The following ITGA9 variants were observed in gnomAD, a reference collection of about 807,000 sequenced individuals.
ITGA9 encodes the protein integrin alpha-9.
In ITGA9, 56 loss-of-function variants were observed where a neutral mutation model predicts 127.8. The observed-to-expected ratio is 0.44, with a 90% CI of 0.35 to 0.55. The LOEUF (loss-of-function observed/expected upper bound fraction) is 0.55, where lower values mean the gene tolerates loss of function less well. ITGA9 is among the 20% of genes least tolerant of loss of function. ITGA9 has a pLI of 0.00. For synonymous variants in ITGA9, 508 were observed against 514.5 expected, an observed-to-expected ratio of 0.99 and a Z score of 0.17; for missense variants, 1,196 against 1,347.1, an observed-to-expected ratio of 0.89 and a Z score of 1.76.
intron 27 of ITGA9, among the ~76,000 whole-genome samples, chr3:37,810,665 C>A (rs942367460): frequency 4.6e-5 from 7 of 152,146 alleles, no homozygotes; most frequent in Non-Finnish European, 1.0e-4. Flanking sequence ...ATCCACCCAC[C>A]TTGGCCTCCC....
At chr3:37,588,116 G>A (rs1699776050) in intron 15 of ITGA9, among the ~76,000 whole-genome samples, 1 of 152,222 alleles carries the variant, frequency 6.6e-6, no homozygotes, top group African/African-American at 2.4e-5. Context: ...GATGGTACAG[G>A]AGTACAAATG....
chr3:37,608,724 T>C (rs1327061550), intron 15 of ITGA9, among the ~76,000 whole-genome samples: 3 of 152,242 alleles, frequency 2.0e-5, no homozygotes, highest in Non-Finnish European at 2.9e-5. Context: ...TACTGTTTTA[T>C]ATTGTAAGCA....
At chr3:37,456,222 G>A (rs571816694) in intron 1 of ITGA9, among the ~76,000 whole-genome samples, 13 of 152,250 alleles carry the variant, frequency 8.5e-5, no homozygotes, top group South Asian at 6.2e-4. Context: ...TCCAGATGAC[G>A]TTTGTATCAG....
intron 15 of ITGA9, among the ~76,000 whole-genome samples, chr3:37,584,201 A>G (rs901976916): frequency 1.3e-5 from 2 of 152,192 alleles, no homozygotes; most frequent in African/African-American, 4.8e-5. Context: ...CATGTCTCTT[A>G]TCTTTCTAGA....
rs184872162 is a variant in ITGA9, at chr3:37,517,554, G to C, written c.1086G>C (p.Ala362=). The change falls in exon 10 of 28, where the codon GCG becomes GCC. Residue 362 remains alanine (A), a synonymous_variant. Coordinates refer to ENST00000264741, the MANE Select transcript of ITGA9 (RefSeq NM_002207.3). ...TGACTGGGGATGGTGCCTACAATGC[G>C]CACTTTGGAGAGAGCATTGCCAGCC... is the stretch of plus-strand genomic sequence containing the variant. ...LALTGDGAYN[A]HFGESIASLD... 2.4e-5 allele frequency: 39 copies of C among 1,599,218 alleles called. No homozygotes were observed. The Admixed American group carries it at 6.3e-4, about 26-fold the overall frequency.
At chr3:37,591,057 G>A (rs1010878051) in intron 15 of ITGA9, among the ~76,000 whole-genome samples, 1 of 152,112 alleles carries the variant, frequency 6.6e-6, no homozygotes, top group Non-Finnish European at 1.5e-5. Flanking sequence ...CCTCCACTGG[G>A]CAGTGCTGGC....
At chr3:37,767,887 C>G (rs1056493191) in intron 23 of ITGA9, among the ~76,000 whole-genome samples, 3 of 152,174 alleles carry the variant, frequency 2.0e-5, no homozygotes, top group Non-Finnish European at 2.9e-5. Context: ...TGGGGTGATG[C>G]ACACACGAGT....
chr3:37,765,161 C>T (rs1448418362), intron 23 of ITGA9, among the ~76,000 whole-genome samples: 2 of 152,036 alleles, frequency 1.3e-5, no homozygotes, highest in African/African-American at 4.8e-5. Flanking sequence ...CACACAGTCA[C>T]CCCTTGTATC....
chr3:37,715,113 A>C (rs1023473609), intron 18 of ITGA9, among the ~76,000 whole-genome samples: 2 of 152,196 alleles, frequency 1.3e-5, no homozygotes, highest in African/African-American at 4.8e-5. Flanking sequence ...CCATCCTGTT[A>C]ATGTTGAGGC....
intron 15 of ITGA9, among the ~76,000 whole-genome samples, chr3:37,565,614 G>T (rs1333667880): frequency 6.6e-6 from 1 of 152,202 alleles, no homozygotes; most frequent in African/African-American, 2.4e-5. Context: ...GAGGTGGATG[G>T]TGGTGATGGT....
chr3:37,670,789 C>A (rs1700630211), intron 17 of ITGA9, among the ~76,000 whole-genome samples: 1 of 152,198 alleles, frequency 6.6e-6, no homozygotes, highest in South Asian at 2.1e-4. Context: ...AGAAAAGATT[C>A]AAAATCTAGG....
At chr3:37,786,187 GT>G (rs1458635561) in intron 26 of ITGA9, among the ~76,000 whole-genome samples, 1 of 152,192 alleles carries the variant, frequency 6.6e-6, no homozygotes, top group South Asian at 2.1e-4. Flanking sequence ...AACAGTCAGT[GT>G]TGCTGTGACA....
chr3:37,578,500 T>C (rs1322443480), intron 15 of ITGA9, among the ~76,000 whole-genome samples: 1 of 152,194 alleles, frequency 6.6e-6, no homozygotes, highest in African/African-American at 2.4e-5. Context: ...GCCATTCCCT[T>C]AGGGAGTTCC....
intron 18 of ITGA9, among the ~76,000 whole-genome samples, chr3:37,718,939 G>A (rs1290743662): frequency 6.6e-6 from 1 of 152,218 alleles, no homozygotes; most frequent in Non-Finnish European, 1.5e-5. Flanking sequence ...CTTCTATGCA[G>A]TGATCAGCCT....
At chr3:37,656,673 A>G (rs529745745) in intron 17 of ITGA9, among the ~76,000 whole-genome samples, 32 of 152,178 alleles carry the variant, frequency 2.1e-4, no homozygotes, top group Non-Finnish European at 3.4e-4. Flanking sequence ...CTATTTGAAT[A>G]CCCTTTTTTT....
intron 23 of ITGA9, among the ~76,000 whole-genome samples, chr3:37,758,904 C>T (rs1345699865): frequency 6.6e-6 from 1 of 152,058 alleles, no homozygotes; most frequent in Non-Finnish European, 1.5e-5. Context: ...TCCCCAGAGA[C>T]ACACACAGAC....
chr3:37,685,185 G>A (rs936016962), intron 18 of ITGA9, among the ~76,000 whole-genome samples: 5 of 152,156 alleles, frequency 3.3e-5, no homozygotes, highest in African/African-American at 9.7e-5. Context: ...GCAGGTCAAC[G>A]GCGTTTGTTC....
chr3:37,810,862 G>C (rs1025821495), intron 27 of ITGA9, among the ~76,000 whole-genome samples: 4 of 152,250 alleles, frequency 2.6e-5, no homozygotes, highest in African/African-American at 9.6e-5. Context: ...ACCTAAATCA[G>C]AAAGCCCTTA....
rs59399600 is a variant in ITGA9, at chr3:37,723,213, G to C, written c.2068-9499G>C. ...AGACTTTTTAAAAATGTATCCTAAA[G>C]TTCCTATTAGACATATGATTTAAAA... On this transcript the variant is annotated intron_variant, in intron 18 of 27. Coordinates refer to ENST00000264741, the MANE Select transcript of ITGA9 (RefSeq NM_002207.3). 7.3e-3 allele frequency among the ~76,000 whole-genome samples: 1,106 copies of C among 152,104 alleles called. 18 individuals carry two copies. The highest frequency in any genetic ancestry group is 0.025 in the African/African-American group (1,038 of 41,486).
Sources: gnomAD v4.1 joint callset for allele counts (sites outside exome capture counted in the v4.1 genomes callset) on GRCh38, gnomAD v4.1.1 for gene constraint, MANE v1.5 for transcripts, NCBI Gene and HGNC (gene_info 2026-07-23, HGNC 2026-07-21) for gene names.